DMD: variants seen among roughly 807,000 people sequenced by gnomAD.
DMD encodes the protein mutant dystrophin.
A neutral mutation model predicts 330.1 loss-of-function variants in DMD; 63 were observed. The observed-to-expected ratio is 0.19, with a 90% CI of 0.16 to 0.24. DMD has a LOEUF of 0.24. DMD is among the 10% of genes least tolerant of loss of function. The probability of loss-of-function intolerance (pLI) is 1.00; values close to 1 mark genes in which losing one functional copy is unlikely to be tolerated. For missense variants in DMD, 3,344 were observed against 2,684.1 expected (o/e 1.25, Z -5.43); for synonymous variants, 1,223 against 959.8 (o/e 1.27, Z -5.07).
intron 29 of DMD, among the ~76,000 whole-genome samples, chrX:32,422,221 G>T (rs1331606693): frequency 9.0e-6 from 1 of 111,506 alleles, no homozygotes; most frequent in Non-Finnish European, 1.9e-5. Context: ...CCTTATACAT[G>T]TGCTGATAAA....
At chrX:32,028,997 T>C (rs1471777411) in intron 44 of DMD, among the ~76,000 whole-genome samples, 1 of 111,515 alleles carries the variant, frequency 9.0e-6, no homozygotes, top group Non-Finnish European at 1.9e-5. Context: ...ATATTAATGC[T>C]CTGTTTTGAA....
chrX:31,730,813 A>G (rs1054152055), intron 51 of DMD, among the ~76,000 whole-genome samples: 19 of 112,045 alleles, frequency 1.7e-4, no homozygotes, highest in African/African-American at 6.1e-4. Flanking sequence ...GCAAGTTTGT[A>G]TAATTTTAAA....
chrX:32,176,106 C>A (rs1012248307), intron 44 of DMD, among the ~76,000 whole-genome samples: 1 of 112,080 alleles, frequency 8.9e-6, no homozygotes, highest in African/African-American at 3.2e-5. Context: ...TTTGCCCCTA[C>A]ATCATTACAT....
intron 31 of DMD, among the ~76,000 whole-genome samples, 189 bp downstream of exon 31, chrX:32,389,881 TA>T (rs1294652484): frequency 2.7e-5 from 3 of 112,044 alleles, no homozygotes; most frequent in Non-Finnish European, 3.8e-5. Flanking sequence ...TTATACTAAA[TA>T]AAAGGTAATT....
chrX:31,463,418 TACTTA>T (rs1360845924), intron 59 of DMD, among the ~76,000 whole-genome samples: 1 of 112,203 alleles, frequency 8.9e-6, no homozygotes, highest in Non-Finnish European at 1.9e-5. Flanking sequence ...TCAATGCCAT[TACTTA>T]ACTTAGTTAA....
intron 1 of DMD, among the ~76,000 whole-genome samples, chrX:33,310,827 C>T (rs905879189): frequency 1.8e-5 from 2 of 110,656 alleles, no homozygotes; most frequent in African/African-American, 6.5e-5. Flanking sequence ...CAAGATGTCC[C>T]TAAAACATTC....
chrX:32,423,475 T>C (rs970916406), intron 29 of DMD, among the ~76,000 whole-genome samples: 1 of 110,718 alleles, frequency 9.0e-6, no homozygotes, highest in African/African-American at 3.3e-5. Flanking sequence ...TGTGCTTATA[T>C]ACATGTATAT....
intron 29 of DMD, among the ~76,000 whole-genome samples, chrX:32,421,032 T>C (rs1205614959): frequency 1.8e-5 from 2 of 111,826 alleles, no homozygotes; most frequent in African/African-American, 6.5e-5. Flanking sequence ...TGAAATTGTA[T>C]CTGAGCAACT....
At chrX:31,857,877 T>A (rs2093641428) in intron 48 of DMD, among the ~76,000 whole-genome samples, 3 of 110,264 alleles carry the variant, frequency 2.7e-5, no homozygotes. Context: ...ATTTTCTATA[T>A]CATGAATCAC....
intron 7 of DMD, among the ~76,000 whole-genome samples, chrX:32,756,945 G>A (rs1398240406): frequency 9.0e-6 from 1 of 111,582 alleles, no homozygotes; most frequent in Non-Finnish European, 1.9e-5. Context: ...TAAGTTCATG[G>A]TGACATGAAA....
intron 1 of DMD, among the ~76,000 whole-genome samples, chrX:33,024,982 CACTAGTT>C (rs199713490): frequency 0.022 from 2,439 of 112,022 alleles, 39 homozygotes; most frequent in Non-Finnish European, 0.032. Flanking sequence ...CTGGACATTG[CACTAGTT>C]ACTGAAAATA....
intron 42 of DMD, among the ~76,000 whole-genome samples, chrX:32,306,920 C>T (rs978290187): frequency 9.0e-6 from 1 of 111,168 alleles, no homozygotes; most frequent in African/African-American, 3.3e-5. Flanking sequence ...TTATTATAAG[C>T]TATGTTCTTA....
intron 55 of DMD, among the ~76,000 whole-genome samples, chrX:31,559,848 G>C (rs191811593): frequency 7.3e-5 from 8 of 110,255 alleles, no homozygotes; most frequent in East Asian, 2.9e-4. Context: ...TAAATTCTTT[G>C]AGGCATCATC....
chrX:32,345,294 G>C, intron 39 of DMD, among the ~76,000 whole-genome samples: 1 of 111,250 alleles, frequency 9.0e-6, no homozygotes, highest in Middle Eastern at 4.7e-3. Context: ...GAAAAATTAA[G>C]TTTATCCTGC....
chrX:32,177,033 T>A (rs938440416), intron 44 of DMD, among the ~76,000 whole-genome samples: 3 of 111,472 alleles, frequency 2.7e-5, no homozygotes, highest in Non-Finnish European at 5.6e-5. Context: ...GGGAATGATA[T>A]ATGACACTTT....
rs17318432 is a variant in DMD at position 32,727,273 on chromosome X, C to T, written c.650-27980G>A. On this transcript the variant is annotated intron_variant, in intron 7 of 78. Transcript: ENST00000357033. ...TAGATTACACATTGTGTCTTATGTT[C>T]GCACACATTATCTCATTTGCTCCTC... 0.012 allele frequency among the ~76,000 whole-genome samples: 1,289 copies of T among 110,976 alleles called. 33 individuals carry two copies. In the East Asian group the frequency reaches 0.15, roughly 13 times the overall value.
At chrX:31,314,758 G>C (rs1030937470) in intron 62 of DMD, among the ~76,000 whole-genome samples, 7 of 105,136 alleles carry the variant, frequency 6.7e-5, no homozygotes, top group African/African-American at 2.5e-4. Context: ...GAGAGAGAGA[G>C]AGAGAGAGAG....
intron 34 of DMD, among the ~76,000 whole-genome samples, chrX:32,374,623 G>A (rs1198410816): frequency 8.9e-6 from 1 of 111,784 alleles, no homozygotes; most frequent in Admixed American, 9.5e-5. Flanking sequence ...TAGGTGTGCA[G>A]CTTTATTTCT....
intron 73 of DMD, among the ~76,000 whole-genome samples, chrX:31,171,322 G>C (rs2039973402): frequency 1.8e-5 from 2 of 111,451 alleles, no homozygotes; most frequent in South Asian, 7.6e-4. Flanking sequence ...TCAATAACTA[G>C]TTATATATAT....
Sources: allele counts gnomAD v4.1 joint callset (sites outside exome capture counted in the v4.1 genomes callset), GRCh38; gene constraint gnomAD v4.1.1; transcripts MANE v1.5; gene names NCBI Gene and HGNC (gene_info 2026-07-23, HGNC 2026-07-21).